ZBTB16: variants seen among roughly 807,000 people sequenced by gnomAD.
The protein encoded by ZBTB16 is zinc finger and BTB domain containing 16.
A neutral mutation model predicts 56.8 loss-of-function variants in ZBTB16; 8 were observed. The ratio of observed to expected loss-of-function variants is 0.14; its 90% CI spans 0.08 to 0.25. ZBTB16 has a LOEUF of 0.25. Among genes scored for constraint, ZBTB16 ranks in the 10% least tolerant of loss-of-function variants. ZBTB16 has a pLI of 1.00. For missense variants in ZBTB16, 625 were observed against 903.0 expected, an observed-to-expected ratio of 0.69 and a Z score of 3.95; for synonymous variants, 363 against 368.5, an observed-to-expected ratio of 0.98 and a Z score of 0.17.
chr11:114,235,625 CCTTCCTTTCTTTCTTT>C (rs1944550889), intron 4 of ZBTB16, among the ~76,000 whole-genome samples: 1 of 68,416 alleles, frequency 1.5e-5, no homozygotes, highest in African/African-American at 6.3e-5. Flanking sequence ...TTTCCCTCTC[CCTTCCTTTCTTTCTTT>C]CTTTCTTTCT....
At position 114,078,068 on chromosome 11, in the gene ZBTB16, G is replaced by C. The variant is rs140516296; in HGVS notation, c.1268+13500G>C. 9.9e-4 allele frequency among the ~76,000 whole-genome samples: 151 copies of C among 152,310 alleles called. No individual in the cohort carries two copies. The East Asian group carries it at 0.022, about 22-fold the overall frequency. ...GGTGGGGAGCCAGGACCCTCTTTTA[G>C]TGGGCTGGAGAAGTGTGAAAGAGCC... On this transcript the variant is annotated intron_variant, in intron 2 of 6. Coordinates refer to ENST00000335953, the MANE Select transcript of ZBTB16 (RefSeq NM_006006.6).
intron 4 of ZBTB16, among the ~76,000 whole-genome samples, chr11:114,200,133 A>G (rs979031920): frequency 5.6e-5 from 8 of 143,894 alleles, no homozygotes; most frequent in Non-Finnish European, 1.1e-4. Context: ...GTCTCAAAAA[A>G]AAAAAAAGAA....
intron 4 of ZBTB16, among the ~76,000 whole-genome samples, chr11:114,220,552 T>C (rs544927370): frequency 1.3e-5 from 2 of 152,346 alleles, no homozygotes; most frequent in African/African-American, 4.8e-5. Context: ...TGGAGTCATT[T>C]GATTAATGTC....
intron 2 of ZBTB16, among the ~76,000 whole-genome samples, chr11:114,078,544 A>G (rs1939649429): frequency 1.3e-5 from 2 of 152,224 alleles, no homozygotes; most frequent in African/African-American, 4.8e-5. Context: ...CCCAGCTGAT[A>G]GCTTTGTTTT....
intron 2 of ZBTB16, among the ~76,000 whole-genome samples, chr11:114,135,094 A>G (rs995646974): frequency 2.6e-5 from 4 of 152,228 alleles, no homozygotes; most frequent in African/African-American, 9.6e-5. Context: ...GTGTGCACAC[A>G]CAGAGACAGA....
At chr11:114,242,997 G>A (rs1326251615) in intron 5 of ZBTB16, among the ~76,000 whole-genome samples, 1 of 152,220 alleles carries the variant, frequency 6.6e-6, no homozygotes, top group Non-Finnish European at 1.5e-5. Context: ...CAGGTGCTGA[G>A]GGGCTGGCCA....
At chr11:114,131,480 C>T (rs186382734) in intron 2 of ZBTB16, among the ~76,000 whole-genome samples, 1 of 152,198 alleles carries the variant, frequency 6.6e-6, no homozygotes, top group East Asian at 1.9e-4. Context: ...AATTCATTGA[C>T]GTTTATTGTT....
intron 4 of ZBTB16, among the ~76,000 whole-genome samples, chr11:114,211,447 C>T (rs1460250297): frequency 6.6e-6 from 1 of 152,178 alleles, no homozygotes; most frequent in African/African-American, 2.4e-5. Flanking sequence ...GTGCCCGCCT[C>T]CTAGAGTTAT....
chr11:114,203,292 G>T (rs1278522758), intron 4 of ZBTB16, among the ~76,000 whole-genome samples: 1 of 152,196 alleles, frequency 6.6e-6, no homozygotes, highest in African/African-American at 2.4e-5. Context: ...GATGCCACAG[G>T]CTTGGGGAAA....
intron 4 of ZBTB16, among the ~76,000 whole-genome samples, chr11:114,233,109 ACACACACACACACACACTCT>A (rs1193405868): frequency 1.6e-4 from 7 of 43,900 alleles, no homozygotes; most frequent in African/African-American, 2.1e-4. Flanking sequence ...ACACACACAC[ACACACACACACACACACTCT>A]CTCTCTCTCA....
intron 2 of ZBTB16, among the ~76,000 whole-genome samples, chr11:114,101,303 C>A (rs1047818584): frequency 5.3e-5 from 8 of 151,856 alleles, no homozygotes; most frequent in Admixed American, 5.2e-4. Context: ...CAGCGCGAGG[C>A]CTTGTTTGGT....
At chr11:114,235,693 T>TCTC (rs10669266) in intron 4 of ZBTB16, among the ~76,000 whole-genome samples, 1 of 114,304 alleles carries the variant, frequency 8.7e-6, no homozygotes, top group Admixed American at 9.6e-5. Context: ...TTTCTTTCTT[T>TCTC]TCTTTCTTTC....
intron 2 of ZBTB16, among the ~76,000 whole-genome samples, chr11:114,151,283 A>G (rs530474539): frequency 6.6e-6 from 1 of 152,302 alleles, no homozygotes; most frequent in Middle Eastern, 3.4e-3. Context: ...CCTCATACCT[A>G]CAATAGGGTG....
intron 2 of ZBTB16, among the ~76,000 whole-genome samples, chr11:114,123,065 GA>G (rs1268704872): frequency 6.6e-6 from 1 of 152,186 alleles, no homozygotes; most frequent in Non-Finnish European, 1.5e-5. Context: ...CCAGGGTGGA[GA>G]AAGAGACAGT....
chr11:114,064,790 A>G lies in ZBTB16; in HGVS notation c.1268+222A>G, dbSNP rs925378755. The stretch of plus-strand genomic sequence containing the variant: ...TTCCAAAAAGCACCAGGGGACACTC[A>G]TGGGCGCAGCTTCTTAATAGGCCCT... On this transcript the variant is annotated intron_variant, in intron 2 of 6. Coordinates refer to ENST00000335953, the MANE Select transcript of ZBTB16 (RefSeq NM_006006.6). The surrounding 1 kb of genome is among the most constrained non-coding windows in gnomAD (Gnocchi z 4.2). Among the ~76,000 whole-genome samples the G allele has an allele frequency of 6.6e-6, 1 of 152,208 alleles. No homozygotes were observed. The highest frequency in any genetic ancestry group is 2.4e-5 in the African/African-American group (1 of 41,456).
chr11:114,177,542 G>A (rs1371869987), intron 3 of ZBTB16, among the ~76,000 whole-genome samples: 1 of 152,086 alleles, frequency 6.6e-6, no homozygotes, highest in Admixed American at 6.6e-5. Flanking sequence ...ATGAGCCACC[G>A]CACCCGGCCC....
chr11:114,095,305 G>T (rs1229838171), intron 2 of ZBTB16, among the ~76,000 whole-genome samples: 1 of 129,884 alleles, frequency 7.7e-6, no homozygotes, highest in Non-Finnish European at 1.5e-5. Context: ...CTGTCACCCA[G>T]GCTGGAGTGC....
chr11:114,159,948 C>T (rs866034832), intron 3 of ZBTB16, among the ~76,000 whole-genome samples: 3 of 100,912 alleles, frequency 3.0e-5, no homozygotes, highest in African/African-American at 6.0e-5. Flanking sequence ...GGGGGGGAGG[C>T]GAGCATTTTT....
rs79816451 is a variant in ZBTB16 at position 114,252,594 on chromosome 11, C to T, written c.*2039C>T. Reference sequence around the variant, plus strand: ...TCGTGTTTGCTTTGGGACGGACCCTCCGTTTCATCTCATGCTTTATGTGTA... The same window carrying T: ...TCGTGTTTGCTTTGGGACGGACCCTTCGTTTCATCTCATGCTTTATGTGTA... On this transcript the variant is annotated 3_prime_UTR_variant, in exon 7 of 7. Coordinates refer to ENST00000335953, the MANE Select transcript of ZBTB16 (RefSeq NM_006006.6). 3.0e-3 allele frequency among the ~76,000 whole-genome samples: 458 copies of T among 152,212 alleles called. 4 individuals are homozygous for T. The highest frequency in any genetic ancestry group is 0.011 in the African/African-American group (443 of 41,522).
Sources: gnomAD v4.1 joint callset for allele counts (sites outside exome capture counted in the v4.1 genomes callset) on GRCh38, gnomAD v4.1.1 for gene constraint, Gnocchi (gnomAD v3.1) non-coding constraint, MANE v1.5 for transcripts, NCBI Gene and HGNC (gene_info 2026-07-23, HGNC 2026-07-21) for gene names.